PYHIN1: variants seen among roughly 807,000 people sequenced by gnomAD.
The protein encoded by PYHIN1 is pyrin and HIN domain family member 1.
Under a neutral mutation model 43.7 loss-of-function variants are expected in PYHIN1, and 32 were observed. That is an observed-to-expected ratio of 0.73 (90% CI 0.55 to 0.98). PYHIN1 has a LOEUF of 0.98. PYHIN1 is among the 50% of genes least tolerant of loss of function. The pLI is 0.00. For missense variants in PYHIN1, 588 were observed against 589.5 expected (o/e 1.00, Z 0.03); for synonymous variants, 205 against 203.1 (o/e 1.01, Z -0.08).
chr1:158,983,911 C>G, the PYHIN1 span, among the ~76,000 whole-genome samples: 1 of 150,724 alleles, frequency 6.6e-6, no homozygotes, highest in South Asian at 2.1e-4. Flanking sequence ...TCTAGATTTT[C>G]TAGTTTTTCA....
intron 8 of PYHIN1, among the ~76,000 whole-genome samples, chr1:158,975,996 C>A (rs569554623): frequency 1.3e-5 from 2 of 151,998 alleles, no homozygotes; most frequent in African/African-American, 4.8e-5. Context: ...ACACAATGAA[C>A]AGAAGAGGGA....
At chr1:158,952,548 T>G (rs1649613830) in intron 7 of PYHIN1, among the ~76,000 whole-genome samples, 1 of 152,106 alleles carries the variant, frequency 6.6e-6, no homozygotes, top group Non-Finnish European at 1.5e-5. Flanking sequence ...CATTCATCTT[T>G]GTTATTTTGG....
Position 158,973,779 on chromosome 1 carries a change from C to A in PYHIN1, c.*5+8C>A, listed in dbSNP as rs746364795. Reference sequence around the variant, plus strand: ...AGCAGTTCCTTAAATAAGGTACCACCTTTCTATTTGCATTGCTGTACCTCT... The same window carrying A: ...AGCAGTTCCTTAAATAAGGTACCACATTTCTATTTGCATTGCTGTACCTCT... On this transcript the variant is annotated splice_region_variant and intron_variant, in intron 8 of 8. Transcript: ENST00000368140. The A allele has an allele frequency of 6.2e-7, 1 of 1,612,544 alleles. No individual in the cohort carries two copies. Among genetic ancestry groups the A allele is most frequent in the East Asian group, 2.2e-5 (1 of 44,842 alleles).
chr1:158,983,918 T>C, the PYHIN1 span, among the ~76,000 whole-genome samples: 1 of 150,000 alleles, frequency 6.7e-6, no homozygotes, highest in African/African-American at 2.4e-5. Context: ...TTTCTAGTTT[T>C]TCAGCATAGA....
intron 8 of PYHIN1, among the ~76,000 whole-genome samples, chr1:158,974,762 A>C (rs1312453869): frequency 6.6e-6 from 1 of 152,050 alleles, no homozygotes; most frequent in African/African-American, 2.4e-5. Flanking sequence ...TCAATAAATT[A>C]TATGTAATTT....
chr1:158,975,016 G>A (rs939380975), intron 8 of PYHIN1, among the ~76,000 whole-genome samples: 1 of 151,928 alleles, frequency 6.6e-6, no homozygotes, highest in Non-Finnish European at 1.5e-5. Flanking sequence ...TGTTTCTATA[G>A]CCGTTAGATT....
intron 5 of PYHIN1, among the ~76,000 whole-genome samples, chr1:158,943,245 G>C (rs1325597028): frequency 6.6e-6 from 1 of 152,182 alleles, no homozygotes; most frequent in Admixed American, 6.5e-5. Context: ...CCAGAACGAT[G>C]AGTAATAGCC....
chr1:158,942,524 G>C, intron 5 of PYHIN1, 125 bp downstream of exon 5: 1 of 696,554 alleles, frequency 1.4e-6, no homozygotes. Context: ...CAAAACTACT[G>C]ACAAGTAGAT....
At chr1:158,986,458 G>A in the PYHIN1 span, among the ~76,000 whole-genome samples, 6 of 152,182 alleles carry the variant, frequency 3.9e-5, no homozygotes, top group African/African-American at 1.4e-4. Flanking sequence ...ACCACTTGAG[G>A]TAAAGGACCT....
chr1:158,953,847 C>T (rs1396940692), intron 7 of PYHIN1, among the ~76,000 whole-genome samples: 5 of 150,404 alleles, frequency 3.3e-5, no homozygotes, highest in Non-Finnish European at 7.4e-5. Flanking sequence ...AAGTTGAAAA[C>T]TTTGAAAAAA....
intron 7 of PYHIN1, among the ~76,000 whole-genome samples, chr1:158,949,702 G>C (rs1649426290): frequency 1.3e-5 from 2 of 152,244 alleles, no homozygotes; most frequent in South Asian, 2.1e-4. Context: ...TCCCTACAAA[G>C]GACATGAACT....
rs1772397 is a variant in PYHIN1, at chr1:158,933,969, T to C, written c.-21+2193T>C. ...TGTGTGCATCTTTGTCTGGAAAAAC[T>C]ACTGAGGCCTTCAGGTTCAGAGAAT... On this transcript the variant is annotated intron_variant, in intron 1 of 8. Coordinates refer to ENST00000368140, the MANE Select transcript of PYHIN1 (RefSeq NM_152501.5). This position sits in a 1 kb window ranked among gnomAD's most constrained non-coding sequence, Gnocchi z 6.3. Among the ~76,000 whole-genome samples the C allele has an allele frequency of 8.5e-5, 13 of 152,094 alleles. 1 individual carries two copies. The highest frequency in any genetic ancestry group is 3.1e-4 in the African/African-American group (13 of 41,436).
At chr1:158,944,755 A>C (rs1649127013) in intron 6 of PYHIN1, 120 bp from the exon 7 acceptor site, 1 of 720,888 alleles carries the variant, frequency 1.4e-6, no homozygotes, top group African/African-American at 1.8e-5. Flanking sequence ...AGATAGAGGC[A>C]ATCTTTGAAG....
chr1:158,943,178 A>C (rs1285519365), intron 5 of PYHIN1, among the ~76,000 whole-genome samples: 1 of 152,124 alleles, frequency 6.6e-6, no homozygotes, highest in African/African-American at 2.4e-5. Flanking sequence ...ATGACCTCTT[A>C]TTTTACCAGC....
the PYHIN1 span, among the ~76,000 whole-genome samples, chr1:158,983,735 C>G: frequency 6.6e-6 from 1 of 152,108 alleles, no homozygotes; most frequent in African/African-American, 2.4e-5. Flanking sequence ...CCTTATCTAT[C>G]AGGTAGAATT....
chr1:158,939,589 A>G (rs1420279032), intron 4 of PYHIN1: 2 of 1,404,834 alleles, frequency 1.4e-6, no homozygotes, highest in Admixed American at 2.0e-5. Context: ...GACATACACC[A>G]TGCTCCTTTT....
At chr1:158,988,611 T>C in the PYHIN1 span, among the ~76,000 whole-genome samples, 3 of 152,130 alleles carry the variant, frequency 2.0e-5, no homozygotes, top group Non-Finnish European at 2.9e-5. Context: ...AGGACTTGGC[T>C]CTCTTGGCTG....
chr1:158,973,538 T>A (rs12145823), intron 7 of PYHIN1, 109 bp from the exon 8 acceptor site: 30 of 764,758 alleles, frequency 3.9e-5, no homozygotes, highest in Non-Finnish European at 5.6e-5. Flanking sequence ...CACACACACA[T>A]ATACACACAT....
intron 1 of PYHIN1, among the ~76,000 whole-genome samples, chr1:158,935,703 T>A (rs912206799): frequency 6.6e-6 from 1 of 152,108 alleles, no homozygotes; most frequent in Non-Finnish European, 1.5e-5. Context: ...AGAAAGTTAT[T>A]CATATAAGGT....
Sources: gnomAD v4.1 joint callset for allele counts (sites outside exome capture counted in the v4.1 genomes callset) on GRCh38, gnomAD v4.1.1 for gene constraint, Gnocchi (gnomAD v3.1) non-coding constraint, MANE v1.5 for transcripts, NCBI Gene and HGNC (gene_info 2026-07-23, HGNC 2026-07-21) for gene names.